Variants in MYO1B observed in about 807,000 individuals in gnomAD.
The protein encoded by MYO1B is unconventional myosin-Ib.
Under a neutral mutation model 159.7 loss-of-function variants are expected in MYO1B, and 72 were observed. The ratio of observed to expected loss-of-function variants is 0.45; its 90% CI spans 0.37 to 0.55. The LOEUF (loss-of-function observed/expected upper bound fraction) is 0.55, where lower values mean the gene tolerates loss of function less well. Ranked by LOEUF, MYO1B falls within the 20% of genes least tolerant of loss-of-function variation. The pLI is 0.00. For synonymous variants in MYO1B, 468 were observed against 473.8 expected (o/e 0.99, Z 0.16); for missense variants, 1,062 against 1,364.8 (o/e 0.78, Z 3.50).
intron 2 of MYO1B, among the ~76,000 whole-genome samples, chr2:191,278,627 A>G (rs1687880744): frequency 1.3e-5 from 2 of 152,256 alleles, no homozygotes. Context: ...ATGTGTTTAC[A>G]GTTCAGAGAT....
chr2:191,417,700 G>T (rs1313052960), intron 30 of MYO1B, among the ~76,000 whole-genome samples: 1 of 152,202 alleles, frequency 6.6e-6, no homozygotes, highest in East Asian at 1.9e-4. Context: ...GCTTGTACAG[G>T]ATGCTAATAA....
chr2:191,419,547 G>T (rs969470204), intron 30 of MYO1B, among the ~76,000 whole-genome samples: 1 of 152,138 alleles, frequency 6.6e-6, no homozygotes, highest in Non-Finnish European at 1.5e-5. Context: ...TTATTTTAGC[G>T]TGTATGCCTA....
chr2:191,357,351 C>T (rs112912105), intron 7 of MYO1B, among the ~76,000 whole-genome samples: 3,359 of 152,214 alleles, frequency 0.022, 114 homozygotes, highest in African/African-American at 0.075. Flanking sequence ...GGCCAGGCTC[C>T]GTGTCGATAG....
intron 6 of MYO1B, among the ~76,000 whole-genome samples, chr2:191,348,892 C>T (rs1455555527): frequency 6.6e-6 from 1 of 152,174 alleles, no homozygotes; most frequent in Non-Finnish European, 1.5e-5. Flanking sequence ...TCATGTGCTC[C>T]AACTTCCCTC....
chr2:191,280,000 G>A (rs1473803828), intron 2 of MYO1B, among the ~76,000 whole-genome samples: 1 of 152,090 alleles, frequency 6.6e-6, no homozygotes, highest in Non-Finnish European at 1.5e-5. Context: ...AAATCGGGGG[G>A]TTCAGTTCTA....
chr2:191,395,036 C>T (rs1240471510), intron 20 of MYO1B, among the ~76,000 whole-genome samples: 1 of 152,200 alleles, frequency 6.6e-6, no homozygotes, highest in Non-Finnish European at 1.5e-5. Context: ...TTCTTGAATG[C>T]TCCTTTTTAG....
chr2:191,413,454 C>T (rs1306477102), intron 27 of MYO1B, among the ~76,000 whole-genome samples: 1 of 152,208 alleles, frequency 6.6e-6, no homozygotes, highest in African/African-American at 2.4e-5. Flanking sequence ...CAAACCAAGT[C>T]AGAGACCATC....
chr2:191,307,928 T>C (rs1689751104), intron 3 of MYO1B, among the ~76,000 whole-genome samples: 1 of 152,112 alleles, frequency 6.6e-6, no homozygotes, highest in Non-Finnish European at 1.5e-5. Flanking sequence ...GAATACCACC[T>C]TCCCAGCATG....
At chr2:191,421,209 ACAGG>A (rs1053367382) in intron 30 of MYO1B, among the ~76,000 whole-genome samples, 2 of 151,716 alleles carry the variant, frequency 1.3e-5, no homozygotes, top group African/African-American at 4.8e-5. Context: ...AGCTGAGGTT[ACAGG>A]CATGCACCAC....
At chr2:191,376,614 A>C (rs1694728972) in intron 13 of MYO1B, among the ~76,000 whole-genome samples, 1 of 152,214 alleles carries the variant, frequency 6.6e-6, no homozygotes. Context: ...CCAAGCCAGC[A>C]TGTTATATTC....
chr2:191,265,748 TC>T (rs1687098040), intron 1 of MYO1B, among the ~76,000 whole-genome samples: 2 of 152,232 alleles, frequency 1.3e-5, no homozygotes, highest in Non-Finnish European at 2.9e-5. Flanking sequence ...ATTAGCATGT[TC>T]CCCTGTACAG....
At chr2:191,333,079 A>G (rs905186103) in intron 4 of MYO1B, among the ~76,000 whole-genome samples, 1 of 152,252 alleles carries the variant, frequency 6.6e-6, no homozygotes, top group Non-Finnish European at 1.5e-5. Context: ...AGACTGATCC[A>G]TATGAAAATT....
chr2:191,297,378 T>G (rs1266905686), intron 3 of MYO1B, among the ~76,000 whole-genome samples: 1 of 152,228 alleles, frequency 6.6e-6, no homozygotes, highest in Non-Finnish European at 1.5e-5. Context: ...TGCAATAAAC[T>G]GTTGAATGCA....
chr2:191,273,750 T>C (rs1687593823), intron 1 of MYO1B, among the ~76,000 whole-genome samples: 1 of 152,212 alleles, frequency 6.6e-6, no homozygotes, highest in Non-Finnish European at 1.5e-5. Context: ...TCTATAACAG[T>C]ATGTGTCCAA....
At chr2:191,348,646 C>T (rs757433035) in intron 6 of MYO1B, among the ~76,000 whole-genome samples, 11 of 152,164 alleles carry the variant, frequency 7.2e-5, no homozygotes, top group South Asian at 4.2e-4. Flanking sequence ...TGTGACTCTC[C>T]GGGTAGCTCT....
At chr2:191,334,742 G>A (rs1055652525) in intron 4 of MYO1B, among the ~76,000 whole-genome samples, 1 of 152,156 alleles carries the variant, frequency 6.6e-6, no homozygotes, top group African/African-American at 2.4e-5. Flanking sequence ...TCAGGGAGGA[G>A]GCTGGAGGAG....
At chr2:191,316,075 T>G (rs1303258713) in intron 3 of MYO1B, among the ~76,000 whole-genome samples, 1 of 152,212 alleles carries the variant, frequency 6.6e-6, no homozygotes, top group Non-Finnish European at 1.5e-5. Flanking sequence ...TGCCTTGTAG[T>G]TCTGTGAAAG....
intron 5 of MYO1B, 148 bp from the exon 6 acceptor site, chr2:191,346,088 A>G: frequency 1.5e-6 from 1 of 656,834 alleles, no homozygotes; most frequent in East Asian, 3.0e-5. Flanking sequence ...TCTGTTAAGT[A>G]TATTTCTATG....
chr2:191,247,463 G>A (rs1685859381), intron 1 of MYO1B, among the ~76,000 whole-genome samples: 1 of 152,198 alleles, frequency 6.6e-6, no homozygotes, highest in South Asian at 2.1e-4. Flanking sequence ...TTTTCGTGGG[G>A]GATGTGGTCA....
Sources: allele counts gnomAD v4.1 joint callset (sites outside exome capture counted in the v4.1 genomes callset), GRCh38; gene constraint gnomAD v4.1.1; transcripts MANE v1.5; gene names NCBI Gene and HGNC (gene_info 2026-07-23, HGNC 2026-07-21).